Variants in CCDC85A observed in about 807,000 individuals in gnomAD.
CCDC85A encodes the protein coiled-coil domain containing 85A, also known as coiled-coil domain-containing protein 85A.
CCDC85A carries 38 observed loss-of-function variants against 50.2 expected under a neutral mutation model. The observed-to-expected ratio is 0.76, with a 90% CI of 0.58 to 0.99. The LOEUF is 0.99. Ranked by LOEUF, CCDC85A falls within the 50% of genes least tolerant of loss-of-function variation. The probability of loss-of-function intolerance (pLI) is 0.00; values close to 1 mark genes in which losing one functional copy is unlikely to be tolerated. For missense variants in CCDC85A, 820 were observed against 742.0 expected, an observed-to-expected ratio of 1.11 and a Z score of -1.22; for synonymous variants, 366 against 301.4, an observed-to-expected ratio of 1.21 and a Z score of -2.22.
In CCDC85A at chr2:56,223,310, A is replaced by G. The variant is rs1190766183; in HGVS notation, c.1240+29870A>G. On this transcript the variant is annotated intron_variant, in intron 2 of 5. Transcript: ENST00000407595. ...ATATTTTAGACTTTCTGTGCTGTGT[A>G]TGTCTCTGTCACAACTCTTCAACTC... Among the ~76,000 whole-genome samples, 5 of 152,126 alleles carry G rather than the reference A, an allele frequency of 3.3e-5. No homozygotes were observed. In the East Asian group the frequency reaches 7.7e-4, roughly 23 times the overall value.
intron 3 of CCDC85A, among the ~76,000 whole-genome samples, chr2:56,353,568 C>G (rs575982416): frequency 1.3e-5 from 2 of 152,074 alleles, no homozygotes; most frequent in East Asian, 3.9e-4. Flanking sequence ...GCTATTTATT[C>G]AAGAACAGAT....
chr2:56,328,780 C>A (rs1037482277), intron 2 of CCDC85A, among the ~76,000 whole-genome samples: 1 of 152,034 alleles, frequency 6.6e-6, no homozygotes, highest in East Asian at 1.9e-4. Context: ...CTCCTGGAGA[C>A]GTATTGAATC....
Position 56,268,467 on chromosome 2 carries a change from C to T in CCDC85A, c.1241-74412C>T, listed in dbSNP as rs537851564. Reference sequence around the variant, plus strand: ...AAAATTAGCCAAGAGTGGTGGCGGACGCCTGTAGTCCCAGCTACTTGGGAG... The same window carrying T: ...AAAATTAGCCAAGAGTGGTGGCGGATGCCTGTAGTCCCAGCTACTTGGGAG... On this transcript the variant is annotated intron_variant, in intron 2 of 5. Transcript: ENST00000407595. Among the ~76,000 whole-genome samples the T allele has an allele frequency of 1.6e-3, 240 of 151,800 alleles. 1 individual carries two copies. The highest frequency in any genetic ancestry group is 4.6e-3 in the African/African-American group (192 of 41,416).
chr2:56,347,751 A>T (rs1315526051), intron 3 of CCDC85A, among the ~76,000 whole-genome samples: 6 of 152,210 alleles, frequency 3.9e-5, no homozygotes. Flanking sequence ...AGTTACAGTC[A>T]TGGTTTTAAA....
Position 56,344,929 on chromosome 2 carries a change from C to CA in CCDC85A, c.1317+1985dup, listed in dbSNP as rs111805515. Among the ~76,000 whole-genome samples, 244 of 143,170 alleles carry CA rather than the reference C, an allele frequency of 1.7e-3. 1 individual carries two copies. The highest frequency in any genetic ancestry group is 3.8e-3 in the African/African-American group (152 of 40,286). The allele number at this position is 143,170 out of a possible 152,430, so 93.9% of individuals were successfully genotyped here. A position where few individuals can be genotyped will look rare whatever the true frequency, so the allele number is the denominator to read the frequency against. Reference sequence around the variant, plus strand: ...ACTAATAGCATGTATGCCATCTTATCAAAAAAAAAAAGAGGCACAACAAAT... The same window carrying CA: ...ACTAATAGCATGTATGCCATCTTATCAAAAAAAAAAAAGAGGCACAACAAAT... On this transcript the variant is annotated intron_variant, in intron 3 of 5. Transcript: ENST00000407595.
chr2:56,199,724 C>T (rs1318050096), intron 2 of CCDC85A, among the ~76,000 whole-genome samples: 2 of 152,184 alleles, frequency 1.3e-5, no homozygotes, highest in Non-Finnish European at 2.9e-5. Flanking sequence ...CTGGTCATAG[C>T]TTGGGAATGC....
chr2:56,247,416 T>C (rs1347845870), intron 2 of CCDC85A, among the ~76,000 whole-genome samples: 1 of 152,240 alleles, frequency 6.6e-6, no homozygotes, highest in Non-Finnish European at 1.5e-5. Flanking sequence ...CTGCAATTTT[T>C]CCCCTGTATA....
chr2:56,352,987 A>G lies in CCDC85A; in HGVS notation c.1317+10032A>G, dbSNP rs148732676. ...TTATCCAGAGAGTTTGTGTTTATGT[A>G]TAATTAATATACAAAACAGGTGTGT... On this transcript the variant is annotated intron_variant, in intron 3 of 5. Transcript: ENST00000407595. Among the ~76,000 whole-genome samples, 327 of 152,322 alleles carry G rather than the reference A, an allele frequency of 2.1e-3. 1 individual carries two copies. Among genetic ancestry groups the G allele is most frequent in the African/African-American group, 7.3e-3 (304 of 41,574 alleles).
intron 3 of CCDC85A, among the ~76,000 whole-genome samples, chr2:56,345,108 C>A (rs1386270729): frequency 1.3e-5 from 2 of 152,148 alleles, no homozygotes; most frequent in Non-Finnish European, 2.9e-5. Context: ...CAAGATTAAA[C>A]AACTACTCAA....
Position 56,372,365 on chromosome 2 carries a change from C to T in CCDC85A, c.1339C>T (p.Pro447Ser), listed in dbSNP as rs1249853032. 7 of 1,585,588 alleles carry T rather than the reference C, an allele frequency of 4.4e-6. No homozygotes were observed. Among genetic ancestry groups the T allele is most frequent in the Non-Finnish European group, 6.0e-6 (7 of 1,165,476 alleles). ...TAAGGCCAGCCAGAATAGAAGGCAA[C>T]CTCCAACTAGAAACAGCTCAAATAT... The part of the protein sequence containing the change: ...LPQASQNRRQ[P>S]PTRNSSNMEK... Residue 447 changes from proline (P) to serine (S), a missense_variant, in exon 4 of 6, where the codon CCT (proline) becomes TCT (serine). Transcript: ENST00000407595.
chr2:56,258,163 C>T (rs1670066968), intron 2 of CCDC85A, among the ~76,000 whole-genome samples: 4 of 152,024 alleles, frequency 2.6e-5, no homozygotes, highest in Admixed American at 2.6e-4. Context: ...CACAGCAAAC[C>T]TGCAGGTAAG....
intron 4 of CCDC85A, among the ~76,000 whole-genome samples, chr2:56,373,537 C>T (rs1224945561): frequency 2.0e-5 from 3 of 152,108 alleles, no homozygotes; most frequent in Non-Finnish European, 2.9e-5. Context: ...ACGATAGAGG[C>T]CCATGCCCAA....
chr2:56,275,084 G>A (rs1424276408), intron 2 of CCDC85A, among the ~76,000 whole-genome samples: 1 of 152,112 alleles, frequency 6.6e-6, no homozygotes, highest in African/African-American at 2.4e-5. Flanking sequence ...ACCATATCGG[G>A]AGCTTGGGTT....
chr2:56,381,198 G>T (rs989907366), intron 5 of CCDC85A, among the ~76,000 whole-genome samples: 2 of 152,022 alleles, frequency 1.3e-5, no homozygotes, highest in African/African-American at 4.8e-5. Context: ...AGGACATCTA[G>T]TTCTAGATGT....
At chr2:56,318,626 T>G (rs1673023855) in intron 2 of CCDC85A, among the ~76,000 whole-genome samples, 1 of 152,164 alleles carries the variant, frequency 6.6e-6, no homozygotes, top group African/African-American at 2.4e-5. Context: ...TGAAATTTTT[T>G]GGCCCAATTT....
intron 2 of CCDC85A, among the ~76,000 whole-genome samples, chr2:56,274,647 G>A (rs981956529): frequency 6.6e-6 from 1 of 152,164 alleles, no homozygotes; most frequent in East Asian, 1.9e-4. Flanking sequence ...GCAGCATCTA[G>A]AGTAGTGTTT....
intron 3 of CCDC85A, among the ~76,000 whole-genome samples, chr2:56,362,183 A>T (rs1404626012): frequency 6.6e-6 from 1 of 152,066 alleles, no homozygotes; most frequent in East Asian, 1.9e-4. Context: ...CCCTGGGAAG[A>T]ATTGAGGATG....
intron 2 of CCDC85A, among the ~76,000 whole-genome samples, chr2:56,277,839 C>G (rs2104091109): frequency 6.6e-6 from 1 of 152,310 alleles, no homozygotes; most frequent in East Asian, 1.9e-4. Flanking sequence ...CCCCTAGGTT[C>G]TACAAGATGG....
intron 2 of CCDC85A, among the ~76,000 whole-genome samples, chr2:56,316,966 A>G (rs1048560109): frequency 2.0e-5 from 3 of 152,110 alleles, no homozygotes; most frequent in Admixed American, 2.0e-4. Context: ...ACATCCCTAA[A>G]CCAGAGTTAC....
Sources: gnomAD v4.1 joint callset for allele counts (sites outside exome capture counted in the v4.1 genomes callset) on GRCh38, gnomAD v4.1.1 for gene constraint, MANE v1.5 for transcripts, NCBI Gene and HGNC (gene_info 2026-07-23, HGNC 2026-07-21) for gene names.